The following SLC4A8 variants were observed in gnomAD, a reference collection of about 807,000 sequenced individuals.
SLC4A8 encodes electroneutral sodium bicarbonate exchanger 1.
A neutral mutation model predicts 125.0 loss-of-function variants in SLC4A8; 40 were observed. The ratio of observed to expected loss-of-function variants is 0.32; its 90% CI spans 0.25 to 0.42. SLC4A8 has a LOEUF of 0.42. SLC4A8 is among the 10% of genes least tolerant of loss of function. SLC4A8 has a pLI of 1.00. For synonymous variants in SLC4A8, 456 were observed against 476.0 expected (o/e 0.96, Z 0.55); for missense variants, 863 against 1,355.1 (o/e 0.64, Z 5.70).
chr12:51,405,884 T>G (rs1225791188), intron 1 of SLC4A8, among the ~76,000 whole-genome samples: 1 of 152,172 alleles, frequency 6.6e-6, no homozygotes, highest in Admixed American at 6.5e-5. Context: ...ACGTAAGAGG[T>G]GACTTGTTTT....
intron 9 of SLC4A8, 86 bp downstream of exon 9, chr12:51,461,377 G>C: frequency 1.2e-6 from 1 of 810,582 alleles, no homozygotes; most frequent in Non-Finnish European, 2.1e-6. Context: ...TAGTTATTGG[G>C]GATAAAATAC....
intron 1 of SLC4A8, among the ~76,000 whole-genome samples, chr12:51,440,067 G>A (rs762411129): frequency 1.6e-4 from 24 of 152,308 alleles, no homozygotes; most frequent in Middle Eastern, 3.4e-3. Context: ...ATGAGACAGA[G>A]GAGGCCTGAT....
At chr12:51,487,920 G>T (rs563809110) in intron 17 of SLC4A8, among the ~76,000 whole-genome samples, 1 of 152,286 alleles carries the variant, frequency 6.6e-6, no homozygotes, top group South Asian at 2.1e-4. Context: ...GAGAGAAGTC[G>T]TAGGAGAATA....
intron 11 of SLC4A8, chr12:51,469,323 T>C (rs1950621477): frequency 8.3e-6 from 2 of 240,852 alleles, no homozygotes; most frequent in South Asian, 3.0e-4. Context: ...AGTCTGAAGC[T>C]AATACTTGCT....
intron 17 of SLC4A8, among the ~76,000 whole-genome samples, chr12:51,487,301 G>C (rs994338893): frequency 6.6e-6 from 1 of 152,094 alleles, no homozygotes; most frequent in Non-Finnish European, 1.5e-5. Flanking sequence ...TATTACTAGG[G>C]GTATCACGTC....
At chr12:51,424,728 C>T (rs566953575), upstream of SLC4A8, 9 of 461,018 alleles carry the variant, frequency 2.0e-5, no homozygotes, top group Non-Finnish European at 3.1e-5. Context: ...GGCTCCTCCC[C>T]CTCCCCGCGG....
At chr12:51,501,374 T>C (rs1937876889) in intron 22 of SLC4A8, among the ~76,000 whole-genome samples, 1 of 152,216 alleles carries the variant, frequency 6.6e-6, no homozygotes, top group Admixed American at 6.5e-5. Context: ...GTACCCAATG[T>C]TTAGCCTCCA....
chr12:51,484,662 T>C (rs935150260), intron 16 of SLC4A8, among the ~76,000 whole-genome samples: 4 of 151,988 alleles, frequency 2.6e-5, no homozygotes, highest in Non-Finnish European at 4.4e-5. Context: ...TTGCTCTCAC[T>C]CTTTTGGAAG....
chr12:51,460,996 G>A (rs572807812), intron 8 of SLC4A8, among the ~76,000 whole-genome samples: 4 of 151,972 alleles, frequency 2.6e-5, no homozygotes, highest in South Asian at 4.2e-4. Flanking sequence ...GAATGATGCC[G>A]CACAATAGCT....
intron 2 of SLC4A8, among the ~76,000 whole-genome samples, chr12:51,450,289 A>T (rs909731626): frequency 3.9e-4 from 59 of 152,314 alleles, no homozygotes; most frequent in Non-Finnish European, 6.6e-4. Flanking sequence ...GCATGTGTTA[A>T]GCATTTTGCA....
intron 16 of SLC4A8, among the ~76,000 whole-genome samples, chr12:51,478,071 C>T (rs142724997): frequency 0.015 from 2,236 of 152,066 alleles, 72 homozygotes; most frequent in African/African-American, 0.052. Flanking sequence ...GTCAGGAGAT[C>T]GAGACCATCC....
intron 16 of SLC4A8, among the ~76,000 whole-genome samples, chr12:51,479,779 G>A (rs973760103): frequency 6.6e-6 from 1 of 150,866 alleles, no homozygotes; most frequent in African/African-American, 2.4e-5. Flanking sequence ...AATAAACTTT[G>A]TAAAATCAAT....
At chr12:51,434,541 T>C (rs1271748793) in intron 1 of SLC4A8, among the ~76,000 whole-genome samples, 1 of 152,346 alleles carries the variant, frequency 6.6e-6, no homozygotes, top group East Asian at 1.9e-4. Flanking sequence ...TGAACAATTA[T>C]TCAGTGAATT....
upstream of SLC4A8, chr12:51,420,013 T>A (rs1258707992): frequency 6.6e-6 from 1 of 152,232 alleles, no homozygotes; most frequent in East Asian, 1.9e-4. Context: ...TTCAATATGC[T>A]GTGACTTGGC....
intron 16 of SLC4A8, chr12:51,480,412 G>T (rs1039211354): frequency 6.3e-6 from 7 of 1,117,292 alleles, no homozygotes; most frequent in Non-Finnish European, 7.7e-6. Context: ...TTATCTGTGA[G>T]TGAAAAGTGG....
At chr12:51,400,740 A>G (rs1285880207) in intron 1 of SLC4A8, among the ~76,000 whole-genome samples, 4 of 314 alleles carry the variant, frequency 0.013, 1 homozygote, top group South Asian at 0.1. Context: ...ATATATATAT[A>G]TATATATATA....
chr12:51,406,566 A>G (rs61181595), intron 1 of SLC4A8, among the ~76,000 whole-genome samples: 24,304 of 152,190 alleles, frequency 0.16, 2,111 homozygotes, highest in African/African-American at 0.21. Flanking sequence ...AAGAGGTGAC[A>G]TGACCTGGTT....
chr12:51,401,471 A>G (rs1040546556), intron 1 of SLC4A8, among the ~76,000 whole-genome samples: 19 of 152,216 alleles, frequency 1.2e-4, no homozygotes, highest in Admixed American at 7.8e-4. Flanking sequence ...GCCCCAGGCA[A>G]ACTCTATGTC....
At chr12:51,466,947 G>A (rs1046022337) in intron 11 of SLC4A8, among the ~76,000 whole-genome samples, 1 of 146,290 alleles carries the variant, frequency 6.8e-6, no homozygotes, top group African/African-American at 2.5e-5. Flanking sequence ...CAGAGTATGT[G>A]TGTGTGTGTG....
Sources: allele counts gnomAD v4.1 joint callset (sites outside exome capture counted in the v4.1 genomes callset), GRCh38; gene constraint gnomAD v4.1.1; transcripts MANE v1.5; gene names NCBI Gene and HGNC (gene_info 2026-07-23, HGNC 2026-07-21).